The following CUL1 variants were observed in gnomAD, a reference collection of about 807,000 sequenced individuals.
CUL1 encodes the protein cullin-1.
In CUL1, 24 loss-of-function variants were observed where a neutral mutation model predicts 118.0. The ratio of observed to expected loss-of-function variants is 0.20; its 90% CI spans 0.15 to 0.29. CUL1 has a LOEUF of 0.29. Among genes scored for constraint, CUL1 ranks in the 10% least tolerant of loss-of-function variants. The pLI, the probability that CUL1 is intolerant of heterozygous loss-of-function variation, is 1.00. For missense variants in CUL1, 361 were observed against 933.8 expected, an observed-to-expected ratio of 0.39 and a Z score of 7.99; for synonymous variants, 332 against 340.4, an observed-to-expected ratio of 0.98 and a Z score of 0.27.
chr7:148,729,523 C>G (rs1313650006), intron 1 of CUL1, among the ~76,000 whole-genome samples: 1 of 152,144 alleles, frequency 6.6e-6, no homozygotes. Flanking sequence ...TTGCTGAGTT[C>G]TAAGTGAAGA....
intron 2 of CUL1, among the ~76,000 whole-genome samples, chr7:148,750,689 G>T (rs1243276887): frequency 6.6e-6 from 1 of 152,164 alleles, no homozygotes; most frequent in African/African-American, 2.4e-5. Context: ...TAGCTAGAGA[G>T]AAGTTAATGC....
chr7:148,724,052 A>G (rs1798481796), intron 1 of CUL1, among the ~76,000 whole-genome samples: 1 of 152,228 alleles, frequency 6.6e-6, no homozygotes, highest in South Asian at 2.1e-4. Context: ...TGTTGCAATT[A>G]GTGTTTAGTG....
In CUL1 at chr7:148,793,922, T is replaced by TA. The variant is rs767330544; in HGVS notation, c.1899+1112dup. Among the ~76,000 whole-genome samples, 374 of 152,234 alleles carry TA rather than the reference T, an allele frequency of 2.5e-3. 1 individual carries two copies. Among genetic ancestry groups the TA allele is most frequent in the Middle Eastern group, 0.01 (3 of 294 alleles). ...CACCAACATTTGTTATTTTCATTTTTAAAAAAAATTATAGCCATCCCAGTG... is the reference window on the plus strand; with the variant it reads ...CACCAACATTTGTTATTTTCATTTTTAAAAAAAAATTATAGCCATCCCAGTG... On this transcript the variant is annotated intron_variant, in intron 17 of 21. Transcript: ENST00000325222.
chr7:148,715,276 T>C (rs1584761618), intron 1 of CUL1, among the ~76,000 whole-genome samples: 1 of 152,120 alleles, frequency 6.6e-6, no homozygotes, highest in Non-Finnish European at 1.5e-5. Context: ...AGCAACAGAG[T>C]CCACCATTGT....
At chr7:148,714,379 A>C (rs1012344171) in intron 1 of CUL1, among the ~76,000 whole-genome samples, 15 of 152,290 alleles carry the variant, frequency 9.8e-5, no homozygotes, top group African/African-American at 3.6e-4. Context: ...TCAGTTTTCA[A>C]AATACAGTAC....
intron 2 of CUL1, among the ~76,000 whole-genome samples, chr7:148,749,443 G>GT (rs1392500273): frequency 1.7e-5 from 2 of 119,964 alleles, no homozygotes; most frequent in Admixed American, 1.7e-4. Flanking sequence ...AAAGTAAAAA[G>GT]GTACAGAAAT....
At chr7:148,775,709 T>G (rs899545456) in intron 9 of CUL1, among the ~76,000 whole-genome samples, 7 of 152,218 alleles carry the variant, frequency 4.6e-5, no homozygotes, top group African/African-American at 1.7e-4. Context: ...GTACATAACT[T>G]CAGAGAAACA....
intron 11 of CUL1, among the ~76,000 whole-genome samples, chr7:148,785,802 G>C (rs1299945575): frequency 6.6e-6 from 1 of 152,082 alleles, no homozygotes; most frequent in Non-Finnish European, 1.5e-5. Flanking sequence ...TGGGTGAGTG[G>C]AGTCAGGGAG....
intron 9 of CUL1, among the ~76,000 whole-genome samples, chr7:148,774,170 AT>A (rs1472518257): frequency 5.9e-5 from 9 of 152,296 alleles, no homozygotes; most frequent in African/African-American, 2.2e-4. Context: ...GTAGGTCATG[AT>A]TTGCCTCGAA....
At position 148,800,436 on chromosome 7, in the gene CUL1, G is replaced by T; in HGVS notation, c.2251-66G>T. 7.5e-7 allele frequency: 1 copy of T among 1,337,974 alleles called. No individual in the cohort carries two copies. Among genetic ancestry groups the T allele is most frequent in the Non-Finnish European group, 1.1e-6 (1 of 934,260 alleles). The allele number at this position is 1,337,974 out of a possible 1,614,324, so 82.9% of individuals were successfully genotyped here. ...TTTGTGGTGGGGGCAGCCTCTCTCTGTTCTGATGATAATTTGTGTTTTTCT... is the reference window on the plus strand; with the variant it reads ...TTTGTGGTGGGGGCAGCCTCTCTCTTTTCTGATGATAATTTGTGTTTTTCT... On this transcript the variant is annotated intron_variant, in intron 21 of 21. Coordinates refer to ENST00000325222, the MANE Select transcript of CUL1 (RefSeq NM_003592.3). This position sits in a 1 kb window ranked among gnomAD's most constrained non-coding sequence, Gnocchi z 4.6.
intron 7 of CUL1, among the ~76,000 whole-genome samples, chr7:148,764,583 A>G (rs1799944316): frequency 6.6e-6 from 1 of 152,176 alleles, no homozygotes; most frequent in African/African-American, 2.4e-5. Flanking sequence ...GGGTAAAACT[A>G]TGTTTTGCTG....
intron 2 of CUL1, among the ~76,000 whole-genome samples, chr7:148,744,524 A>G (rs1216798490): frequency 6.6e-6 from 1 of 152,108 alleles, no homozygotes; most frequent in Non-Finnish European, 1.5e-5. Context: ...ATTGTATGAC[A>G]TCATAGAAAA....
intron 2 of CUL1, among the ~76,000 whole-genome samples, chr7:148,736,545 C>A (rs1285842537): frequency 2.0e-5 from 3 of 152,240 alleles, no homozygotes; most frequent in African/African-American, 7.2e-5. Flanking sequence ...TCAAGCAGTC[C>A]TCCCACCTTG....
chr7:148,717,098 C>T (rs1242853533), intron 1 of CUL1, among the ~76,000 whole-genome samples: 1 of 151,598 alleles, frequency 6.6e-6, no homozygotes, highest in African/African-American at 2.4e-5. Context: ...CTCGCTCTGT[C>T]ACCCAGGCTG....
chr7:148,771,516 C>A (rs1800210104), intron 9 of CUL1, among the ~76,000 whole-genome samples: 1 of 152,118 alleles, frequency 6.6e-6, no homozygotes, highest in Non-Finnish European at 1.5e-5. Flanking sequence ...AAGAGAGAGC[C>A]CTCCGAACCT....
intron 20 of CUL1, 28 bp from the exon 21 acceptor site, chr7:148,799,247 A>G: frequency 6.4e-7 from 1 of 1,552,630 alleles, no homozygotes; most frequent in Non-Finnish European, 8.9e-7. Context: ...CTCTAAATGC[A>G]CTTCTTTTTC....
chr7:148,725,219 G>GCACACACACACACACACA, intron 1 of CUL1, among the ~76,000 whole-genome samples: 157 of 140,138 alleles, frequency 1.1e-3, no homozygotes, highest in African/African-American at 2.7e-3. Context: ...ACACGCGCGC[G>GCACACACACACACACACA]CTCACACACA....
chr7:148,761,184 A>G (rs1440832639), intron 7 of CUL1, among the ~76,000 whole-genome samples: 1 of 152,128 alleles, frequency 6.6e-6, no homozygotes, highest in Non-Finnish European at 1.5e-5. Context: ...AAGATCTAGT[A>G]GAATTACTCT....
chr7:148,756,490 C>T (rs1799662915), intron 3 of CUL1, among the ~76,000 whole-genome samples: 1 of 152,120 alleles, frequency 6.6e-6, no homozygotes, highest in African/African-American at 2.4e-5. Flanking sequence ...CATGTGCCAC[C>T]ACGCCCCGGC....
Sources: gnomAD v4.1 joint callset for allele counts (sites outside exome capture counted in the v4.1 genomes callset) on GRCh38, gnomAD v4.1.1 for gene constraint, Gnocchi (gnomAD v3.1) non-coding constraint, MANE v1.5 for transcripts, NCBI Gene and HGNC (gene_info 2026-07-23, HGNC 2026-07-21) for gene names.